Variants in MBD5 observed in about 807,000 individuals in gnomAD.
The protein encoded by MBD5 is methyl-CpG binding domain protein 5, also known as methyl-CpG-binding domain protein 5.
Under a neutral mutation model 117.3 loss-of-function variants are expected in MBD5, and 13 were observed. That is an observed-to-expected ratio of 0.11 (90% CI 0.07 to 0.18). The LOEUF (loss-of-function observed/expected upper bound fraction) is 0.18, where lower values mean the gene tolerates loss of function less well. Ranked by LOEUF, MBD5 falls within the 10% of genes least tolerant of loss-of-function variation. The pLI is 1.00. For synonymous variants in MBD5, 727 were observed against 766.4 expected (o/e 0.95, Z 0.85); for missense variants, 1,879 against 2,093.8 (o/e 0.90, Z 2.00).
chr2:148,066,626 C>T lies in MBD5; in HGVS notation c.-925+44942C>T, dbSNP rs188210328. ...CTGAATAGCTGGGAGTATAGGTGCA[C>T]GCCACCATGCCCGGCTAATTTTTTG... On this transcript the variant is annotated intron_variant, in intron 1 of 13. Coordinates refer to ENST00000642680, the MANE Select transcript of MBD5 (RefSeq NM_001378120.1). Among the ~76,000 whole-genome samples, 8 of 151,910 alleles carry T rather than the reference C, an allele frequency of 5.3e-5. 1 individual carries two copies. The East Asian group carries it at 9.7e-4, about 19-fold the overall frequency.
intron 4 of MBD5, among the ~76,000 whole-genome samples, chr2:148,425,224 A>G (rs1705741410): frequency 6.6e-6 from 1 of 152,224 alleles, no homozygotes; most frequent in Non-Finnish European, 1.5e-5. Flanking sequence ...ATCCCTCAGA[A>G]ATACAAACTA....
At chr2:148,111,469 T>C (rs6430290) in intron 1 of MBD5, among the ~76,000 whole-genome samples, 3,968 of 151,902 alleles carry the variant, frequency 0.026, 102 homozygotes, top group African/African-American at 0.067. Flanking sequence ...GAAAGGAGAA[T>C]GAGAGTGAAT....
At chr2:148,188,881 C>T (rs992617927) in intron 2 of MBD5, among the ~76,000 whole-genome samples, 3 of 151,500 alleles carry the variant, frequency 2.0e-5, no homozygotes, top group South Asian at 2.1e-4. Flanking sequence ...AGACAGTGGG[C>T]GCAGGCCAGT....
At chr2:148,275,901 T>C (rs1701100749) in intron 3 of MBD5, among the ~76,000 whole-genome samples, 1 of 152,200 alleles carries the variant, frequency 6.6e-6, no homozygotes, top group Admixed American at 6.5e-5. Context: ...TAATTTTTAT[T>C]TAAAATTAAT....
intron 1 of MBD5, among the ~76,000 whole-genome samples, chr2:148,147,454 C>T (rs1293127562): frequency 6.6e-6 from 1 of 151,724 alleles, no homozygotes; most frequent in Non-Finnish European, 1.5e-5. Flanking sequence ...GTTGGCCAGG[C>T]TGGTCTCAAA....
chr2:148,135,069 A>G (rs1160252315), intron 1 of MBD5, among the ~76,000 whole-genome samples: 2 of 152,208 alleles, frequency 1.3e-5, no homozygotes, highest in Non-Finnish European at 2.9e-5. Context: ...TCAACAGTCC[A>G]GTATCTTCCA....
chr2:148,374,263 A>T (rs1703934773), intron 4 of MBD5, among the ~76,000 whole-genome samples: 1 of 147,924 alleles, frequency 6.8e-6, no homozygotes, highest in African/African-American at 2.4e-5. Context: ...ACACACACAC[A>T]CACACACACA....
At chr2:148,228,611 A>G (rs548518057) in intron 2 of MBD5, among the ~76,000 whole-genome samples, 3 of 152,302 alleles carry the variant, frequency 2.0e-5, no homozygotes, top group African/African-American at 7.2e-5. Flanking sequence ...TATCAGGATG[A>G]TGCTGGCCTC....
intron 2 of MBD5, among the ~76,000 whole-genome samples, chr2:148,197,795 TTTTTTTTTTTG>T (rs1300285458): frequency 1.3e-3 from 45 of 34,782 alleles, no homozygotes; most frequent in South Asian, 2.2e-3. Context: ...GCATCTGAGG[TTTTTTTTTTTG>T]TTTTTTTTTT....
chr2:148,136,709 T>C (rs529472606), intron 1 of MBD5, among the ~76,000 whole-genome samples: 7 of 152,312 alleles, frequency 4.6e-5, no homozygotes, highest in Middle Eastern at 3.4e-3. Flanking sequence ...GCTGGCTTTA[T>C]GCAGAAATCT....
chr2:148,115,661 A>G (rs914835917), intron 1 of MBD5, among the ~76,000 whole-genome samples: 3 of 152,076 alleles, frequency 2.0e-5, no homozygotes, highest in Non-Finnish European at 4.4e-5. Flanking sequence ...TGTGAGCTAT[A>G]CATATTTTTC....
chr2:148,326,191 G>T (rs1411428855), intron 3 of MBD5, among the ~76,000 whole-genome samples: 2 of 152,192 alleles, frequency 1.3e-5, no homozygotes, highest in East Asian at 1.9e-4. Flanking sequence ...TTGCACTACG[G>T]TCTGAGATAT....
At position 148,151,989 on chromosome 2, in the gene MBD5, A is replaced by C. The variant is rs1395414155; in HGVS notation, c.-924-26711A>C. On this transcript the variant is annotated intron_variant, in intron 1 of 13. Coordinates refer to ENST00000642680, the MANE Select transcript of MBD5 (RefSeq NM_001378120.1). Reference sequence around the variant, plus strand: ...ATTTCTTGCCTTCTGCTAGCTTTTGAATGTGTTTGCTCTTGCTTTTCTAGT... The same window carrying C: ...ATTTCTTGCCTTCTGCTAGCTTTTGCATGTGTTTGCTCTTGCTTTTCTAGT... Among the ~76,000 whole-genome samples the C allele has an allele frequency of 2.0e-5, 3 of 151,160 alleles. No individual in the cohort carries two copies. The East Asian group carries it at 5.8e-4, about 29-fold the overall frequency.
At chr2:148,129,646 T>C (rs1696988749) in intron 1 of MBD5, among the ~76,000 whole-genome samples, 1 of 152,208 alleles carries the variant, frequency 6.6e-6, no homozygotes, top group Admixed American at 6.5e-5. Flanking sequence ...AAACATTTTA[T>C]TGGTAGTAAG....
intron 3 of MBD5, among the ~76,000 whole-genome samples, chr2:148,233,701 T>C (rs1700037329): frequency 6.6e-6 from 1 of 152,176 alleles, no homozygotes; most frequent in African/African-American, 2.4e-5. Flanking sequence ...CAGGGCTTTT[T>C]CATATCTCTC....
chr2:148,213,374 A>T (rs189766516), intron 2 of MBD5, among the ~76,000 whole-genome samples: 3 of 152,278 alleles, frequency 2.0e-5, no homozygotes, highest in African/African-American at 7.2e-5. Context: ...TAATAAAGAC[A>T]TTAAAACATT....
intron 1 of MBD5, among the ~76,000 whole-genome samples, chr2:148,116,950 G>A (rs551362937): frequency 6.6e-6 from 1 of 152,212 alleles, no homozygotes; most frequent in Admixed American, 6.5e-5. Flanking sequence ...ATGATGAACT[G>A]GTAGAATGGA....
chr2:148,084,300 T>C (rs1038085611), intron 1 of MBD5, among the ~76,000 whole-genome samples: 1 of 152,242 alleles, frequency 6.6e-6, no homozygotes, highest in Non-Finnish European at 1.5e-5. Flanking sequence ...GATTATATTA[T>C]GTAATTCTGC....
At chr2:148,407,189 G>C (rs1705105589) in intron 4 of MBD5, among the ~76,000 whole-genome samples, 1 of 152,152 alleles carries the variant, frequency 6.6e-6, no homozygotes, top group Admixed American at 6.5e-5. Flanking sequence ...TTTCGAATAA[G>C]ATGAAAAAGA....
Sources: allele counts gnomAD v4.1 joint callset (sites outside exome capture counted in the v4.1 genomes callset), GRCh38; gene constraint gnomAD v4.1.1; transcripts MANE v1.5; gene names NCBI Gene and HGNC (gene_info 2026-07-23, HGNC 2026-07-21).